DPP6: variants seen among roughly 807,000 people sequenced by gnomAD.
DPP6 encodes the protein A-type potassium channel modulatory protein DPP6.
Under a neutral mutation model 122.6 loss-of-function variants are expected in DPP6, and 69 were observed. That is an observed-to-expected ratio of 0.56 (90% CI 0.46 to 0.69). The LOEUF (loss-of-function observed/expected upper bound fraction) is 0.69. Ranked by LOEUF, DPP6 falls within the 30% of genes least tolerant of loss-of-function variation. DPP6 has a pLI of 0.00. For synonymous variants in DPP6, 418 were observed against 433.1 expected (o/e 0.97, Z 0.43); for missense variants, 928 against 1,116.9 (o/e 0.83, Z 2.41).
At chr7:154,119,047 C>T (rs1320509153) in intron 1 of DPP6, among the ~76,000 whole-genome samples, 2 of 152,130 alleles carry the variant, frequency 1.3e-5, no homozygotes, top group African/African-American at 2.4e-5. Context: ...GTCATGTCAC[C>T]ATACTCTTTA....
intron 7 of DPP6, among the ~76,000 whole-genome samples, chr7:154,696,415 A>C (rs1027200535): frequency 2.6e-5 from 4 of 152,192 alleles, no homozygotes; most frequent in Non-Finnish European, 5.9e-5. Context: ...GTCCAGGGGA[A>C]GTCACAAATA....
At chr7:154,703,835 G>C (rs1048083658) in intron 7 of DPP6, among the ~76,000 whole-genome samples, 2 of 152,008 alleles carry the variant, frequency 1.3e-5, no homozygotes, top group African/African-American at 2.4e-5. Flanking sequence ...TACTCAGGGG[G>C]CTGAGGCAGG....
intron 3 of DPP6, among the ~76,000 whole-genome samples, chr7:154,501,228 A>G (rs1372045199): frequency 1.3e-5 from 2 of 149,504 alleles, no homozygotes; most frequent in African/African-American, 5.0e-5. Context: ...AGTTTGGACA[A>G]TTTGCAGTCT....
intron 16 of DPP6, among the ~76,000 whole-genome samples, chr7:154,813,230 G>A (rs1271642192): frequency 1.3e-5 from 2 of 151,630 alleles, no homozygotes; most frequent in Non-Finnish European, 2.9e-5. Context: ...ACAGGTGCCC[G>A]CCACAATGCC....
intron 1 of DPP6, among the ~76,000 whole-genome samples, chr7:153,944,629 C>CTAGGAGGG (rs1186555391): frequency 6.8e-6 from 1 of 146,614 alleles, no homozygotes; most frequent in Non-Finnish European, 1.5e-5. Context: ...CAGGCCATAA[C>CTAGGAGGG]TAGGAGGGAC....
At chr7:154,775,456 A>G (rs1796504023) in intron 10 of DPP6, among the ~76,000 whole-genome samples, 1 of 152,126 alleles carries the variant, frequency 6.6e-6, no homozygotes, top group Non-Finnish European at 1.5e-5. Context: ...CCCAACCAGC[A>G]TTTCTACTGG....
At chr7:153,793,970 C>T in the DPP6 span, among the ~76,000 whole-genome samples, 1 of 152,248 alleles carries the variant, frequency 6.6e-6, no homozygotes, top group Non-Finnish European at 1.5e-5. Flanking sequence ...GTTTGGGAAC[C>T]TCCACCTAGA....
intron 1 of DPP6, among the ~76,000 whole-genome samples, chr7:154,230,348 G>A (rs561216775): frequency 6.6e-6 from 1 of 152,344 alleles, no homozygotes; most frequent in East Asian, 1.9e-4. Context: ...AGATAAGCTA[G>A]ACCTTGATTA....
chr7:154,136,857 G>A (rs1486575204), intron 1 of DPP6, among the ~76,000 whole-genome samples: 2 of 152,258 alleles, frequency 1.3e-5, no homozygotes, highest in African/African-American at 4.8e-5. Flanking sequence ...ATGGCTGCAA[G>A]TGCAATATTG....
At chr7:154,267,593 A>G (rs994109902) in intron 1 of DPP6, among the ~76,000 whole-genome samples, 1 of 151,118 alleles carries the variant, frequency 6.6e-6, no homozygotes. Flanking sequence ...GCACATACAT[A>G]TATATGTGCA....
intron 16 of DPP6, among the ~76,000 whole-genome samples, chr7:154,829,021 A>G (rs1800412096): frequency 6.6e-6 from 1 of 152,220 alleles, no homozygotes; most frequent in Non-Finnish European, 1.5e-5. Context: ...ATGCCTAATT[A>G]TAATTCACAT....
At chr7:154,339,392 T>C (rs1410721848) in intron 1 of DPP6, among the ~76,000 whole-genome samples, 1 of 152,172 alleles carries the variant, frequency 6.6e-6, no homozygotes, top group Admixed American at 6.5e-5. Context: ...CTGCCTGCTC[T>C]TCCCAATGGG....
chr7:153,819,127 G>T, the DPP6 span, among the ~76,000 whole-genome samples: 2 of 103,474 alleles, frequency 1.9e-5, no homozygotes, highest in African/African-American at 3.8e-5. Flanking sequence ...GTGCAGGTTT[G>T]TTATATAGGT....
intron 1 of DPP6, among the ~76,000 whole-genome samples, chr7:153,944,663 GGTT>G (rs1433603173): frequency 1.9e-5 from 2 of 103,952 alleles, no homozygotes; most frequent in African/African-American, 7.7e-5. Context: ...TTTTTGTGTG[GGTT>G]TTTTTTTTTT....
chr7:154,541,005 G>A (rs1475213561), intron 4 of DPP6, among the ~76,000 whole-genome samples: 2 of 152,222 alleles, frequency 1.3e-5, no homozygotes, highest in South Asian at 4.1e-4. Flanking sequence ...TGCATAGGAA[G>A]TATTAACTTA....
chr7:154,658,798 C>T (rs1253090730), intron 6 of DPP6, among the ~76,000 whole-genome samples: 1 of 152,202 alleles, frequency 6.6e-6, no homozygotes, highest in Non-Finnish European at 1.5e-5. Flanking sequence ...ACGTGTCTCA[C>T]ACTCTGGGTG....
chr7:154,859,611 T>C (rs906427541), intron 17 of DPP6, among the ~76,000 whole-genome samples: 5 of 152,230 alleles, frequency 3.3e-5, no homozygotes, highest in Non-Finnish European at 5.9e-5. Flanking sequence ...TAGAAAATCT[T>C]ATCTACAAAC....
At chr7:154,785,282 G>A (rs1171369360) in intron 10 of DPP6, among the ~76,000 whole-genome samples, 1 of 152,072 alleles carries the variant, frequency 6.6e-6, no homozygotes, top group Non-Finnish European at 1.5e-5. Context: ...CCCCCAGATG[G>A]AGATGACTTT....
In DPP6 at chr7:154,637,815, T is replaced by C; in HGVS notation, c.628-6T>C. 1 of 1,575,464 alleles carries C rather than the reference T, an allele frequency of 6.3e-7. No individual in the cohort carries two copies. On this transcript the variant is annotated splice_region_variant and splice_polypyrimidine_tract_variant and intron_variant, in intron 5 of 25. Transcript: ENST00000377770. ...GCCTACCTTTTTTCCTTTTTGTCTG[T>C]TGCAGATATATCAACACTCGTATAC... is the stretch of plus-strand genomic sequence containing the variant.
Sources: gnomAD v4.1 joint callset for allele counts (sites outside exome capture counted in the v4.1 genomes callset) on GRCh38, gnomAD v4.1.1 for gene constraint, MANE v1.5 for transcripts, NCBI Gene and HGNC (gene_info 2026-07-23, HGNC 2026-07-21) for gene names.